The following TATDN1 variants were observed in gnomAD, a reference collection of about 807,000 sequenced individuals.
TATDN1 encodes TatD DNase domain containing 1.
Under a neutral mutation model 46.4 loss-of-function variants are expected in TATDN1, and 40 were observed. The ratio of observed to expected loss-of-function variants is 0.86; its 90% CI spans 0.67 to 1.12. The LOEUF is 1.12. TATDN1 is among the 50% of genes most tolerant of loss of function. The probability of loss-of-function intolerance (pLI) is 0.00; values close to 1 mark genes in which losing one functional copy is unlikely to be tolerated. For missense variants in TATDN1, 326 were observed against 348.4 expected (o/e 0.94, Z 0.51); for synonymous variants, 95 against 105.6 (o/e 0.90, Z 0.62).
At chr8:124,524,578 C>G (rs916421867) in intron 1 of TATDN1, among the ~76,000 whole-genome samples, 15 of 152,152 alleles carry the variant, frequency 9.9e-5, no homozygotes, top group African/African-American at 3.6e-4. Context: ...CAGAAATGGT[C>G]TGTATCTCTT....
intron 9 of TATDN1, among the ~76,000 whole-genome samples, chr8:124,498,902 A>C (rs1285366252): frequency 6.7e-6 from 1 of 150,316 alleles, no homozygotes; most frequent in Non-Finnish European, 1.5e-5. Context: ...TGCCTGCCTC[A>C]GCCTCCTGAA....
rs1262734635 is a variant in TATDN1, at chr8:124,530,790, T to C, written c.23-7788A>G. Among the ~76,000 whole-genome samples the C allele has an allele frequency of 4.6e-5, 7 of 152,324 alleles. No individual in the cohort carries two copies. In the South Asian group the frequency reaches 1.0e-3, roughly 23 times the overall value. ...GTTTAGATAGAGGCAAATTATTAAATGAGACCCAGTGTCTTTGAATACAGT... is the reference window on the plus strand; with the variant it reads ...GTTTAGATAGAGGCAAATTATTAAACGAGACCCAGTGTCTTTGAATACAGT... On this transcript the variant is annotated intron_variant, in intron 1 of 11. Transcript: ENST00000276692.
At chr8:124,532,072 G>A (rs1379596145) in intron 1 of TATDN1, among the ~76,000 whole-genome samples, 2 of 152,030 alleles carry the variant, frequency 1.3e-5, no homozygotes, top group Non-Finnish European at 2.9e-5. Flanking sequence ...AAGGAAGAAG[G>A]AAGAGCAAGG....
At chr8:124,526,683 T>C (rs1004717708) in intron 1 of TATDN1, 21 of 152,228 alleles carry the variant, frequency 1.4e-4, no homozygotes, top group African/African-American at 4.8e-4. Context: ...TTAAGAGTTC[T>C]TCAAATATTG....
intron 11 of TATDN1, among the ~76,000 whole-genome samples, chr8:124,492,520 C>T (rs1400531040): frequency 6.6e-6 from 1 of 151,976 alleles, no homozygotes; most frequent in African/African-American, 2.4e-5. Flanking sequence ...GCCTGTAATC[C>T]TAGCACTTTG....
In TATDN1 at chr8:124,534,098, A is replaced by C. The variant is rs191300903; in HGVS notation, c.22+4927T>G. ...GAGGCGGAGCTTGCAGTGAGCCCAG[A>C]CTGCACCACTACACTCCAGCCTGGG... On this transcript the variant is annotated intron_variant, in intron 1 of 11. Transcript: ENST00000276692. Among the ~76,000 whole-genome samples, 670 of 139,348 alleles carry C rather than the reference A, an allele frequency of 4.8e-3. 4 individuals carry two copies. Among genetic ancestry groups the C allele is most frequent in the African/African-American group, 0.017 (649 of 37,376 alleles). The allele number at this position is 139,348 out of a possible 152,430, so 91.4% of individuals were successfully genotyped here.
At chr8:124,537,150 C>G (rs185132088) in intron 1 of TATDN1, among the ~76,000 whole-genome samples, 3 of 152,168 alleles carry the variant, frequency 2.0e-5, no homozygotes, top group Non-Finnish European at 2.9e-5. Context: ...CACCTTAGCA[C>G]TAAAGCCACT....
chr8:124,502,907 G>A (rs1289220142), intron 9 of TATDN1, among the ~76,000 whole-genome samples: 3 of 152,196 alleles, frequency 2.0e-5, no homozygotes, highest in South Asian at 4.1e-4. Flanking sequence ...AGGAGGCTGA[G>A]GTGGGAGGGT....
intron 1 of TATDN1, among the ~76,000 whole-genome samples, chr8:124,527,059 G>A (rs765862503): frequency 3.3e-5 from 5 of 152,190 alleles, no homozygotes; most frequent in Non-Finnish European, 7.3e-5. Context: ...CGTGCAACCT[G>A]CAGGCTGGGA....
intron 9 of TATDN1, among the ~76,000 whole-genome samples, chr8:124,501,920 G>C (rs973575005): frequency 6.6e-6 from 1 of 152,086 alleles, no homozygotes; most frequent in Non-Finnish European, 1.5e-5. Flanking sequence ...CTAGGTCACA[G>C]GTAAAGGATT....
chr8:124,507,844 T>C (rs1404073606), intron 8 of TATDN1, among the ~76,000 whole-genome samples: 1 of 151,920 alleles, frequency 6.6e-6, no homozygotes, highest in Non-Finnish European at 1.5e-5. Context: ...CAGGGTTTTC[T>C]TGTGAATGGA....
At chr8:124,512,275 AT>A (rs892985252) in intron 6 of TATDN1, among the ~76,000 whole-genome samples, 4 of 152,170 alleles carry the variant, frequency 2.6e-5, no homozygotes, top group Non-Finnish European at 5.9e-5. Context: ...ATACAAAAAA[AT>A]TAGCCAGGCA....
intron 9 of TATDN1, among the ~76,000 whole-genome samples, chr8:124,498,528 T>C (rs1817676124): frequency 6.6e-6 from 1 of 151,678 alleles, no homozygotes; most frequent in African/African-American, 2.4e-5. Flanking sequence ...TCATCATTTC[T>C]AGTCCGATTT....
At position 124,518,842 on chromosome 8, in the gene TATDN1, C is replaced by A; in HGVS notation, c.178G>T (p.Ala60Ser). ...CCATTTGTTTGTGCCAAATGCAGTG[C>A]ATCTTTACTGTCTTGTAGATTTCCA... The part of the protein sequence containing the change: ...TGGNLQDSKD[A>S]LHLAQTNGMF... Residue 60 changes from alanine to serine, a missense_variant, in exon 4 of 12, where the codon GCA becomes TCA. Physicochemically the swap from Ala to Ser is moderately conservative, Grantham distance 99. Coordinates refer to ENST00000276692, the MANE Select transcript of TATDN1 (RefSeq NM_032026.4). 1.9e-6 allele frequency: 3 copies of A among 1,611,222 alleles called. No homozygotes were observed. Among genetic ancestry groups the A allele is most frequent in the Non-Finnish European group, 2.5e-6 (3 of 1,178,140 alleles).
chr8:124,539,073 G>A lies in TATDN1; in HGVS notation c.-27C>T, dbSNP rs771665937. On this transcript the variant is annotated 5_prime_UTR_variant, in exon 1 of 12. Coordinates refer to ENST00000276692, the MANE Select transcript of TATDN1 (RefSeq NM_032026.4). ...ACTGCGCATGGAGGACCTCCCCAGC[G>A]GAAGCGGAAGTGGCCGCCGGCAACT... is the stretch of plus-strand genomic sequence containing the variant. 5.0e-6 allele frequency: 8 copies of A among 1,611,824 alleles called. No individual in the cohort carries two copies. In the East Asian group the frequency reaches 1.1e-4, roughly 22 times the overall value.
At chr8:124,495,627 AAACC>A (rs748780386) in intron 9 of TATDN1, 85 bp from the exon 10 acceptor site, 14 of 1,013,920 alleles carry the variant, frequency 1.4e-5, no homozygotes, top group East Asian at 7.8e-5. Flanking sequence ...AAATGCTACA[AAACC>A]AACCCAAAAC....
At chr8:124,502,201 T>C (rs55946925) in intron 9 of TATDN1, among the ~76,000 whole-genome samples, 13,400 of 151,782 alleles carry the variant, frequency 0.088, 904 homozygotes, top group South Asian at 0.29. Context: ...AATAGCCAGG[T>C]GTAGTGGCGG....
rs992411840 is a variant in TATDN1 at position 124,501,670 on chromosome 8, C to CT, written c.593+2600dup. Among the ~76,000 whole-genome samples the CT allele has an allele frequency of 9.2e-5, 14 of 151,538 alleles. 1 individual carries two copies. Among genetic ancestry groups the CT allele is most frequent in the South Asian group, 8.3e-4 (4 of 4,800 alleles). The stretch of plus-strand genomic sequence containing the variant: ...ATAAAAAGGGTTACAAAATATAGCA[C>CT]TTTTTTTGGAAGGAGGGAAACAATG... On this transcript the variant is annotated intron_variant, in intron 9 of 11. Coordinates refer to ENST00000276692, the MANE Select transcript of TATDN1 (RefSeq NM_032026.4).
chr8:124,534,120 T>C (rs1247689970), intron 1 of TATDN1, among the ~76,000 whole-genome samples: 2 of 113,450 alleles, frequency 1.8e-5, no homozygotes, highest in African/African-American at 7.0e-5. Flanking sequence ...CACTCCAGCC[T>C]GGGCAACAGA....
Sources: allele counts gnomAD v4.1 joint callset (sites outside exome capture counted in the v4.1 genomes callset), GRCh38; gene constraint gnomAD v4.1.1; transcripts MANE v1.5; gene names NCBI Gene and HGNC (gene_info 2026-07-23, HGNC 2026-07-21).